OTUD6B: variants seen among roughly 807,000 people sequenced by gnomAD.
OTUD6B encodes deubiquitinase OTUD6B.
In OTUD6B, 41 loss-of-function variants were observed where a neutral mutation model predicts 36.9. The ratio of observed to expected loss-of-function variants is 1.11; its 90% CI spans 0.87 to 1.44. The LOEUF (loss-of-function observed/expected upper bound fraction) is 1.44. Among genes scored for constraint, OTUD6B ranks in the 40% most tolerant of loss-of-function variants. OTUD6B has a pLI of 0.00. For missense variants in OTUD6B, 356 were observed against 344.8 expected (o/e 1.03, Z -0.26); for synonymous variants, 114 against 114.2 (o/e 1.00, Z 0.01).
intron 5 of OTUD6B, 116 bp downstream of exon 5, chr8:91,080,846 T>G: frequency 1.4e-6 from 1 of 729,456 alleles, no homozygotes; most frequent in African/African-American, 1.8e-5. Context: ...TTCCTTTTCT[T>G]TATATATTTG....
In OTUD6B at chr8:91,084,020, T is replaced by C. The variant is rs973921097; in HGVS notation, c.703T>C (p.Ser235Pro). Residue 235 changes from serine to proline, a missense_variant, in exon 6 of 7, where the codon TCT becomes CCT. Transcript: ENST00000404789. ...TTTCTTCCTATAGCTAAGAGCTCTG[T>C]CTCACATTTTACAAACACCAATAGA... ...WGGQLELRAL[S>P]HILQTPIEII... 7.0e-6 allele frequency: 11 copies of C among 1,571,432 alleles called. No homozygotes were observed. The Admixed American group carries it at 7.5e-5, about 11-fold the overall frequency.
chr8:91,078,610 T>C lies in OTUD6B; in HGVS notation c.570T>C (p.His190=), dbSNP rs1264521994. The change falls in exon 4 of 7, where the codon CAT becomes CAC. Residue 190 remains histidine, a synonymous_variant. Coordinates refer to ENST00000404789, the MANE Select transcript of OTUD6B (RefSeq NM_016023.5). ...RSQTAEYMQS[H]VEDFLPFLTN... ...AGACCGCTGAGTATATGCAAAGCCA[T>C]GTGGAAGACTTTCTGCCATTTTTAA... 6.2e-7 allele frequency: 1 copy of C among 1,600,674 alleles called. No individual in the cohort carries two copies. The highest frequency in any genetic ancestry group is 8.5e-7 in the Non-Finnish European group (1 of 1,172,834).
chr8:91,082,739 A>T (rs1486034182), intron 5 of OTUD6B, among the ~76,000 whole-genome samples: 1 of 143,058 alleles, frequency 7.0e-6, no homozygotes, highest in Admixed American at 7.0e-5. Flanking sequence ...GTGTTTGGTC[A>T]TATGTCTTTT....
In OTUD6B at chr8:91,085,958, C is replaced by T. The variant is rs1299646689; in HGVS notation, c.*1090C>T. On this transcript the variant is annotated 3_prime_UTR_variant, in exon 7 of 7. Transcript: ENST00000404789. ...CAAATATTTGAGAAATTTTATGTTACATATATGAATGAAGTTGAAAGCTAC... is the reference window on the plus strand; with the variant it reads ...CAAATATTTGAGAAATTTTATGTTATATATATGAATGAAGTTGAAAGCTAC... 6.6e-6 allele frequency: 1 copy of T among 152,008 alleles called. No individual in the cohort carries two copies. The highest frequency in any genetic ancestry group is 1.5e-5 in the Non-Finnish European group (1 of 67,966). 9.4% of individuals were successfully genotyped at this position (152,008 alleles called of 1,614,324 possible).
chr8:91,084,580 T>C (rs1377346796), intron 6 of OTUD6B: 1 of 217,714 alleles, frequency 4.6e-6, no homozygotes, highest in Non-Finnish European at 7.8e-6. Flanking sequence ...TTTACCCCAG[T>C]GATTGAACCA....
In OTUD6B at chr8:91,085,927, T is replaced by G. The variant is rs2130450048; in HGVS notation, c.*1059T>G. On this transcript the variant is annotated 3_prime_UTR_variant, in exon 7 of 7. Transcript: ENST00000404789. Reference sequence around the variant, plus strand: ...TAGCCTTATTAATGTCACCTTTCCTTCAACTCAAATATTTGAGAAATTTTA... The same window carrying G: ...TAGCCTTATTAATGTCACCTTTCCTGCAACTCAAATATTTGAGAAATTTTA... 1 of 152,212 alleles carries G rather than the reference T, an allele frequency of 6.6e-6. No homozygotes were observed. Among genetic ancestry groups the G allele is most frequent in the Non-Finnish European group, 1.5e-5 (1 of 67,980 alleles). The allele number at this position is 152,212 out of a possible 1,614,324, so 9.4% of individuals were successfully genotyped here.
At position 91,070,355 on chromosome 8, in the gene OTUD6B, C is replaced by T. The variant is rs753970424; in HGVS notation, c.-30C>T. 9.9e-6 allele frequency: 16 copies of T among 1,612,824 alleles called. No homozygotes were observed. Among genetic ancestry groups the T allele is most frequent in the South Asian group, 6.6e-5 (6 of 90,758 alleles). On this transcript the variant is annotated 5_prime_UTR_variant, in exon 1 of 7. Transcript: ENST00000404789. ...GCCTACTAGCCGGTGCAGGTTTCTT[C>T]TAGCGCGTGTGCTGGGGTACCTGGT...
chr8:91,074,027 T>A, intron 3 of OTUD6B, 116 bp downstream of exon 3: 1 of 609,942 alleles, frequency 1.6e-6, no homozygotes, highest in Non-Finnish European at 2.8e-6. Flanking sequence ...TGCAGTTCCT[T>A]GTCTAGGCAC....
intron 5 of OTUD6B, 140 bp downstream of exon 5, chr8:91,080,870 A>T (rs1812892148): frequency 1.6e-6 from 1 of 641,890 alleles, no homozygotes; most frequent in Admixed American, 3.0e-5. Flanking sequence ...TTCTCAACTG[A>T]CAAAGAAATA....
At chr8:91,082,002 G>A (rs1160325085) in intron 5 of OTUD6B, among the ~76,000 whole-genome samples, 2 of 151,838 alleles carry the variant, frequency 1.3e-5, no homozygotes, top group African/African-American at 4.8e-5. Flanking sequence ...ATCTTTTGAG[G>A]GACACTTATA....
chr8:91,071,405 C>CA (rs1242256564), intron 2 of OTUD6B, 116 bp downstream of exon 2: 1 of 834,850 alleles, frequency 1.2e-6, no homozygotes, highest in African/African-American at 1.8e-5. Context: ...CTTTGCAAAA[C>CA]ACGCTCAATC....
In OTUD6B at chr8:91,073,893, A is replaced by G. The variant is rs1812752405; in HGVS notation, c.297A>G (p.Ser99=). ...TTGAGAATCAGCCACCTCGGATATCAAAAGCACAAAAGAGACGGGTATGAA... is the reference window on the plus strand; with the variant it reads ...TTGAGAATCAGCCACCTCGGATATCGAAAGCACAAAAGAGACGGGTATGAA... ...LVLENQPPRI[S]KAQKRREKKA... Residue 99 remains serine, a synonymous_variant, in exon 3 of 7, where the codon TCA becomes TCG. Coordinates refer to ENST00000404789, the MANE Select transcript of OTUD6B (RefSeq NM_016023.5). 2 of 1,590,822 alleles carry G rather than the reference A, an allele frequency of 1.3e-6. No homozygotes were observed. The highest frequency in any genetic ancestry group is 4.5e-5 in the East Asian group (2 of 44,248).
At chr8:91,081,387 CAAAA>C (rs778501268) in intron 5 of OTUD6B, among the ~76,000 whole-genome samples, 1 of 150,594 alleles carries the variant, frequency 6.6e-6, no homozygotes. Flanking sequence ...AACAAACAAA[CAAAA>C]AAAACAGGTA....
At position 91,085,497 on chromosome 8, in the gene OTUD6B, C is replaced by G. The variant is rs924029965; in HGVS notation, c.*629C>G. ...GTTGTTTAAAGAAGTGAGATAAATT[C>G]AAAGGTAAATAGGTATTCTCTGTCA... On this transcript the variant is annotated 3_prime_UTR_variant, in exon 7 of 7. Coordinates refer to ENST00000404789, the MANE Select transcript of OTUD6B (RefSeq NM_016023.5). 21 of 151,716 alleles carry G rather than the reference C, an allele frequency of 1.4e-4. No homozygotes were observed. The highest frequency in any genetic ancestry group is 5.1e-4 in the African/African-American group (21 of 41,346). 9.4% of individuals were successfully genotyped at this position (151,716 alleles called of 1,614,324 possible). A position where few individuals can be genotyped will look rare whatever the true frequency, so the allele number is the denominator to read the frequency against.
chr8:91,071,364 CTTT>C (rs5893159), intron 2 of OTUD6B, 75 bp downstream of exon 2: 8,784 of 806,448 alleles, frequency 0.011, no homozygotes, highest in South Asian at 0.015. Flanking sequence ...TGTTAAACTG[CTTT>C]TTTTTTTTTT....
Position 91,083,962 on chromosome 8 carries a change from A to T in OTUD6B, c.691-46A>T. 8 of 1,541,560 alleles carry T rather than the reference A, an allele frequency of 5.2e-6. No individual in the cohort carries two copies. In the South Asian group the frequency reaches 9.8e-5, roughly 19 times the overall value. ...GCCCGTTCACACATATTTGAATGTG[A>T]TTTACATTTTTATTTTCCTTACTGA... On this transcript the variant is annotated intron_variant, in intron 5 of 6. Transcript: ENST00000404789.
chr8:91,073,675 A>G (rs1256287135), intron 2 of OTUD6B, 156 bp from the exon 3 acceptor site: 1 of 787,622 alleles, frequency 1.3e-6, no homozygotes, highest in African/African-American at 1.9e-5. Flanking sequence ...AACTTGTCAA[A>G]TTCTTCCATA....
rs779312974 is a variant in OTUD6B, at chr8:91,078,392, C to T, written c.352C>T (p.Arg118Trp). Residue 118 changes from arginine (R) to tryptophan (W), a missense_variant, in exon 4 of 7, where the codon CGG (arginine) becomes TGG (tryptophan). By Grantham distance (101) the Arg-to-Trp change is moderately radical. Transcript: ENST00000404789. ...TGCATTGGAAAAGGAGCGAGAAGAA[C>T]GGATAGCTGAAGCTGAAATTGAAAA... ...KAALEKEREE[R>W]IAEAEIENLT... 1.3e-5 allele frequency: 21 copies of T among 1,590,824 alleles called. No homozygotes were observed. Among genetic ancestry groups the T allele is most frequent in the South Asian group, 9.1e-5 (8 of 87,464 alleles).
At chr8:91,080,798 T>C in intron 5 of OTUD6B, 68 bp downstream of exon 5, 3 of 1,186,980 alleles carry the variant, frequency 2.5e-6, no homozygotes, top group African/African-American at 1.5e-5. Context: ...CTGTAGTTTT[T>C]AGATGTTTCT....
Sources: allele counts gnomAD v4.1 joint callset (sites outside exome capture counted in the v4.1 genomes callset), GRCh38; gene constraint gnomAD v4.1.1; transcripts MANE v1.5; gene names NCBI Gene and HGNC (gene_info 2026-07-23, HGNC 2026-07-21).